Variants in LTBP1 observed in about 807,000 individuals in gnomAD.
LTBP1 encodes latent transforming growth factor beta binding protein 1.
Under a neutral mutation model 207.6 loss-of-function variants are expected in LTBP1, and 129 were observed. That is an observed-to-expected ratio of 0.62 (90% CI 0.54 to 0.72). The LOEUF is 0.72. LTBP1 is among the 30% of genes least tolerant of loss of function. The probability of loss-of-function intolerance (pLI) is 0.00; values close to 1 mark genes in which losing one functional copy is unlikely to be tolerated. For missense variants in LTBP1, 2,281 were observed against 2,217.2 expected (o/e 1.03, Z -0.58); for synonymous variants, 963 against 833.7 (o/e 1.16, Z -2.67).
At chr2:33,288,166 A>G (rs2093701302) in intron 19 of LTBP1, among the ~76,000 whole-genome samples, 1 of 151,976 alleles carries the variant, frequency 6.6e-6, no homozygotes, top group Non-Finnish European at 1.5e-5. Context: ...ATGTTGACAT[A>G]CTCATCTCAT....
chr2:33,276,055 A>T (rs1326821128), intron 18 of LTBP1, 132 bp downstream of exon 18: 3 of 1,128,160 alleles, frequency 2.7e-6, no homozygotes, highest in Non-Finnish European at 3.6e-6. Flanking sequence ...TGCTTCCTAG[A>T]TTCACAGGCT....
intron 23 of LTBP1, among the ~76,000 whole-genome samples, chr2:33,314,878 T>C (rs2094243735): frequency 6.6e-6 from 1 of 152,206 alleles, no homozygotes; most frequent in Non-Finnish European, 1.5e-5. Context: ...ATGTCTAAAA[T>C]AAGGGTAGCT....
In LTBP1 at chr2:33,262,771, C is replaced by T. The variant is rs1485790215; in HGVS notation, c.2468C>T (p.Pro823Leu). ...QEKTKLEPGQPQLSPGISTIH... is the reference protein window; with the variant it reads ...QEKTKLEPGQLQLSPGISTIH... Reference sequence around the variant, plus strand: ...AAAACCAAACTTGAGCCTGGTCAACCCCAGCTGTCTCCAGGCATTTCCACT... The same window carrying T: ...AAAACCAAACTTGAGCCTGGTCAACTCCAGCTGTCTCCAGGCATTTCCACT... The change falls in exon 14 of 34, where the codon CCC (proline) becomes CTC (leucine). Residue 823 changes from proline (P) to leucine (L), a missense_variant. This residue lies in a region of LTBP1 where 1,671 missense variants were observed against 1,634.8 expected (regional missense o/e 1.02). Coordinates refer to ENST00000404816, the MANE Select transcript of LTBP1 (RefSeq NM_206943.4). The T allele has an allele frequency of 6.2e-7, 1 of 1,607,200 alleles. No individual in the cohort carries two copies. Among genetic ancestry groups the T allele is most frequent in the Non-Finnish European group, 8.5e-7 (1 of 1,175,794 alleles).
intron 5 of LTBP1, among the ~76,000 whole-genome samples, chr2:33,177,424 C>A (rs1243117413): frequency 6.6e-6 from 1 of 152,136 alleles, no homozygotes; most frequent in East Asian, 1.9e-4. Flanking sequence ...CTGAAGTGGG[C>A]AGATCACTTA....
chr2:33,232,335 G>T (rs182984551), intron 9 of LTBP1, among the ~76,000 whole-genome samples: 48 of 152,280 alleles, frequency 3.2e-4, no homozygotes, highest in African/African-American at 1.1e-3. Flanking sequence ...AGGGTTCAGA[G>T]GAGCCTGACT....
Position 32,947,499 on chromosome 2 carries a change from A to C in LTBP1, c.175A>C (p.Asn59His). 1 of 1,437,626 alleles carries C rather than the reference A, an allele frequency of 7.0e-7. No individual in the cohort carries two copies. The highest frequency in any genetic ancestry group is 1.4e-5 in the South Asian group (1 of 73,890). The allele number at this position is 1,437,626 out of a possible 1,614,324, so 89.1% of individuals were successfully genotyped here. A position where few individuals can be genotyped will look rare whatever the true frequency, so the allele number is the denominator to read the frequency against. ...TTCGCGGACATTCAACGTCGCGCTC[A>C]ACGCCAGGTACAGCCGCAGCTCGGC... Reference protein sequence around the residue: ...PRSRTFNVALNARYSRSSAAA... With the variant: ...PRSRTFNVALHARYSRSSAAA... Residue 59 changes from asparagine (N) to histidine (H), a missense_variant, in exon 1 of 34, where the codon AAC (asparagine) becomes CAC (histidine). By Grantham distance (68) the Asn-to-His change is moderately conservative (BLOSUM62 1). Coordinates refer to ENST00000404816, the MANE Select transcript of LTBP1 (RefSeq NM_206943.4).
chr2:33,224,024 T>G (rs1301212547), intron 9 of LTBP1, among the ~76,000 whole-genome samples: 2 of 152,192 alleles, frequency 1.3e-5, no homozygotes, highest in Admixed American at 1.3e-4. Context: ...ATTCCTTTCT[T>G]CTCATGCACA....
At chr2:33,352,084 CA>C (rs1252069985) in intron 26 of LTBP1, among the ~76,000 whole-genome samples, 1 of 152,116 alleles carries the variant, frequency 6.6e-6, no homozygotes, top group Non-Finnish European at 1.5e-5. Flanking sequence ...GACAGTTATT[CA>C]AACCTAAATT....
At chr2:33,071,527 G>T (rs2077787614) in intron 3 of LTBP1, among the ~76,000 whole-genome samples, 1 of 152,190 alleles carries the variant, frequency 6.6e-6, no homozygotes, top group Non-Finnish European at 1.5e-5. Flanking sequence ...GGAGGTGGCT[G>T]CAGAATGGAT....
chr2:33,182,687 G>GATATATATATATAT (rs201059639), intron 5 of LTBP1, among the ~76,000 whole-genome samples: 1 of 67,008 alleles, frequency 1.5e-5, no homozygotes, highest in African/African-American at 5.9e-5. Flanking sequence ...AAAAGATGGT[G>GATATATATATATAT]ATATATATAT....
chr2:33,305,280 C>T (rs576461304), intron 22 of LTBP1, among the ~76,000 whole-genome samples: 20 of 152,238 alleles, frequency 1.3e-4, no homozygotes, highest in South Asian at 8.3e-4. Context: ...GCCAAGATCA[C>T]GCCATTGCAC....
intron 15 of LTBP1, among the ~76,000 whole-genome samples, chr2:33,270,370 G>T (rs537414245): frequency 6.6e-6 from 1 of 151,836 alleles, no homozygotes; most frequent in Non-Finnish European, 1.5e-5. Context: ...TGGGTGGATC[G>T]CAAGGTCAAG....
At chr2:33,364,938 A>G (rs1057077327) in intron 30 of LTBP1, among the ~76,000 whole-genome samples, 4 of 152,226 alleles carry the variant, frequency 2.6e-5, no homozygotes, top group African/African-American at 9.6e-5. Flanking sequence ...TGGCAGATTA[A>G]ATGGATAAGA....
At chr2:33,215,720 T>TC (rs1251016205) in intron 7 of LTBP1, among the ~76,000 whole-genome samples, 14 of 144,404 alleles carry the variant, frequency 9.7e-5, no homozygotes, top group Non-Finnish European at 2.0e-4. Flanking sequence ...TCTTTTGTTT[T>TC]TTGTTTTTTT....
At chr2:33,217,816 A>G (rs529727265) in intron 8 of LTBP1, among the ~76,000 whole-genome samples, 162 bp downstream of exon 8, 7 of 152,222 alleles carry the variant, frequency 4.6e-5, no homozygotes, top group African/African-American at 9.6e-5. Flanking sequence ...TGCAAGTCTG[A>G]AAAAGTTTTC....
chr2:33,188,783 C>T lies in LTBP1; in HGVS notation c.1633C>T (p.Pro545Ser). 2.5e-6 allele frequency: 4 copies of T among 1,614,196 alleles called. No individual in the cohort carries two copies. The highest frequency in any genetic ancestry group is 3.4e-6 in the Non-Finnish European group (4 of 1,180,036). ...CACATACTCCCACCAGCAGGTCATTCCTCACGTCTACCCCGTGGCTGCTAA... is the reference window on the plus strand; with the variant it reads ...CACATACTCCCACCAGCAGGTCATTTCTCACGTCTACCCCGTGGCTGCTAA... ...HSTYSHQQVI[P>S]HVYPVAAKTQ... The change falls in exon 7 of 34, where the codon CCT (proline) becomes TCT (serine). Residue 545 changes from proline (P) to serine (S), a missense_variant. Around this residue, in one of 3 missense-constraint regions of LTBP1, gnomAD observed 1,671 missense variants for 1,634.8 expected, o/e 1.02. Coordinates refer to ENST00000404816, the MANE Select transcript of LTBP1 (RefSeq NM_206943.4).
chr2:33,059,949 G>A (rs2077183588), intron 3 of LTBP1, among the ~76,000 whole-genome samples: 1 of 152,290 alleles, frequency 6.6e-6, no homozygotes, highest in Middle Eastern at 3.4e-3. Flanking sequence ...AAGAAGACTG[G>A]CCTTTTACTC....
At chr2:33,219,966 T>G (rs959471590) in intron 8 of LTBP1, among the ~76,000 whole-genome samples, 1 of 152,226 alleles carries the variant, frequency 6.6e-6, no homozygotes, top group Non-Finnish European at 1.5e-5. Flanking sequence ...GTTTGTGAGC[T>G]CTGTATTTTA....
intron 3 of LTBP1, among the ~76,000 whole-genome samples, chr2:33,092,664 A>T (rs2079167448): frequency 6.6e-6 from 1 of 152,170 alleles, no homozygotes; most frequent in South Asian, 2.1e-4. Context: ...CTTAGAGAGA[A>T]CATCAGTAAT....
Sources: gnomAD v4.1 joint callset for allele counts (sites outside exome capture counted in the v4.1 genomes callset) on GRCh38, gnomAD v4.1.1 for gene constraint, gnomAD v4.1.1 regional missense constraint, MANE v1.5 for transcripts, NCBI Gene and HGNC (gene_info 2026-07-23, HGNC 2026-07-21) for gene names.